ADGRL3: variants seen among roughly 807,000 people sequenced by gnomAD.
ADGRL3 encodes the protein adhesion G protein-coupled receptor L3.
ADGRL3 carries 62 observed loss-of-function variants against 153.5 expected under a neutral mutation model. That is an observed-to-expected ratio of 0.40 (90% CI 0.33 to 0.50). The LOEUF is 0.50. ADGRL3 is among the 20% of genes least tolerant of loss of function. The pLI is 0.47. For missense variants in ADGRL3, 1,641 were observed against 1,859.4 expected (o/e 0.88, Z 2.16); for synonymous variants, 710 against 672.5 (o/e 1.06, Z -0.86).
At chr4:62,064,017 A>G (rs1741621562) in intron 25 of ADGRL3, among the ~76,000 whole-genome samples, 2 of 152,162 alleles carry the variant, frequency 1.3e-5, no homozygotes, top group South Asian at 2.1e-4. Flanking sequence ...TAGTCTTAAT[A>G]TTACAAGATC....
intron 2 of ADGRL3, among the ~76,000 whole-genome samples, chr4:61,436,825 C>T (rs1220945301): frequency 6.6e-6 from 1 of 151,800 alleles, no homozygotes; most frequent in Admixed American, 6.6e-5. Flanking sequence ...AGGGTGGGAT[C>T]CACAGTTACT....
At chr4:61,413,843 C>T (rs894494323) in intron 2 of ADGRL3, among the ~76,000 whole-genome samples, 6 of 152,206 alleles carry the variant, frequency 3.9e-5, no homozygotes, top group Non-Finnish European at 7.4e-5. Flanking sequence ...TTCCATGAGT[C>T]TGAGGCATGT....
chr4:61,511,947 C>T (rs538996495), intron 3 of ADGRL3, among the ~76,000 whole-genome samples: 7 of 152,002 alleles, frequency 4.6e-5, no homozygotes, highest in Admixed American at 4.6e-4. Flanking sequence ...ATCATATACA[C>T]CTTAGGGAGA....
At chr4:61,958,734 A>G (rs565793197) in intron 17 of ADGRL3, among the ~76,000 whole-genome samples, 6 of 152,088 alleles carry the variant, frequency 3.9e-5, no homozygotes, top group Admixed American at 3.3e-4. Context: ...TGATCCAATC[A>G]TTTCCCACCT....
intron 21 of ADGRL3, among the ~76,000 whole-genome samples, chr4:62,002,916 T>G (rs1398266935): frequency 6.6e-6 from 1 of 152,190 alleles, no homozygotes; most frequent in African/African-American, 2.4e-5. Flanking sequence ...GCTGAAGTAC[T>G]ATGACATGTG....
chr4:61,534,527 G>A (rs563915624), intron 4 of ADGRL3, among the ~76,000 whole-genome samples: 231 of 152,126 alleles, frequency 1.5e-3, no homozygotes, highest in Non-Finnish European at 2.2e-3. Flanking sequence ...TTGCTTTGGG[G>A]AGTATAGTCA....
At chr4:62,002,935 G>T (rs2151119975) in intron 21 of ADGRL3, among the ~76,000 whole-genome samples, 1 of 152,240 alleles carries the variant, frequency 6.6e-6, no homozygotes, top group South Asian at 2.1e-4. Flanking sequence ...TGAAACATTT[G>T]TAAGGAGCCT....
At chr4:61,212,699 A>T (rs1480326952) in intron 1 of ADGRL3, among the ~76,000 whole-genome samples, 1 of 152,226 alleles carries the variant, frequency 6.6e-6, no homozygotes, top group African/African-American at 2.4e-5. Context: ...ACTCAATATA[A>T]GTAGTAACAT....
chr4:62,042,848 T>C (rs1729098047), intron 24 of ADGRL3, among the ~76,000 whole-genome samples: 1 of 152,030 alleles, frequency 6.6e-6, no homozygotes, highest in South Asian at 2.1e-4. Flanking sequence ...CCAGGCCAAG[T>C]ATTAGTATAC....
At chr4:61,887,273 C>T (rs2149538756) in intron 9 of ADGRL3, among the ~76,000 whole-genome samples, 1 of 152,116 alleles carries the variant, frequency 6.6e-6, no homozygotes, top group Non-Finnish European at 1.5e-5. Flanking sequence ...TAATGCTTTA[C>T]TAGATTCTTT....
In ADGRL3 at chr4:61,372,999, G is replaced by A. The variant is rs191637469; in HGVS notation, c.-239-10125G>A. On this transcript the variant is annotated intron_variant, in intron 1 of 26. Coordinates refer to ENST00000683033, the MANE Select transcript of ADGRL3 (RefSeq NM_001387552.1). The stretch of plus-strand genomic sequence containing the variant: ...GGGAGTGACCCGATTCTCCAGGTGC[G>A]GTCGGTCACCCCTTTCTTTGATTAG... 3.2e-4 allele frequency among the ~76,000 whole-genome samples: 49 copies of A among 152,080 alleles called. No homozygotes were observed. The South Asian group carries it at 3.5e-3, about 11-fold the overall frequency.
chr4:61,522,502 C>T (rs1462052389), intron 4 of ADGRL3, among the ~76,000 whole-genome samples: 1 of 152,092 alleles, frequency 6.6e-6, no homozygotes, highest in African/African-American at 2.4e-5. Flanking sequence ...TCCAAGACCA[C>T]AATTGCCAAG....
intron 25 of ADGRL3, among the ~76,000 whole-genome samples, chr4:62,062,749 A>G (rs1740880929): frequency 6.6e-6 from 1 of 152,118 alleles, no homozygotes; most frequent in Admixed American, 6.6e-5. Context: ...CAAATTCCAA[A>G]CAACCAGTTG....
intron 2 of ADGRL3, among the ~76,000 whole-genome samples, chr4:61,463,888 T>C (rs1167817251): frequency 6.6e-6 from 1 of 152,142 alleles, no homozygotes; most frequent in Non-Finnish European, 1.5e-5. Context: ...AGCTGGTACA[T>C]ACTTGAAGGT....
intron 20 of ADGRL3, among the ~76,000 whole-genome samples, chr4:61,996,637 G>A (rs2099122762): frequency 6.6e-6 from 1 of 152,176 alleles, no homozygotes; most frequent in Non-Finnish European, 1.5e-5. Context: ...TGGTTTTATA[G>A]ATATTTGAAC....
chr4:61,400,767 A>T (rs1165926167), intron 2 of ADGRL3, among the ~76,000 whole-genome samples: 3 of 151,536 alleles, frequency 2.0e-5, no homozygotes, highest in Non-Finnish European at 4.4e-5. Flanking sequence ...GATTAAAAGA[A>T]AGTAAACCAG....
chr4:61,381,231 G>T (rs532932443), intron 1 of ADGRL3, among the ~76,000 whole-genome samples: 1 of 151,288 alleles, frequency 6.6e-6, no homozygotes, highest in Non-Finnish European at 1.5e-5. Context: ...ATATAATAGT[G>T]TACTTTTGTT....
rs1268770318 is a variant in ADGRL3, at chr4:62,075,809, ATTAAAT to A, written c.*4906_*4911del. 2 of 152,200 alleles carry A rather than the reference ATTAAAT, an allele frequency of 1.3e-5. No homozygotes were observed. The highest frequency in any genetic ancestry group is 1.3e-4 in the Admixed American group (2 of 15,264). 9.4% of individuals were successfully genotyped at this position (152,200 alleles called of 1,614,324 possible). On this transcript the variant is annotated 3_prime_UTR_variant, in exon 27 of 27. Transcript: ENST00000683033. ...TAAAATATATTCAATGGATCCCAAC[ATTAAAT>A]TTAACTTTGCAATCAGCAAATATGT...
intron 2 of ADGRL3, among the ~76,000 whole-genome samples, chr4:61,461,944 T>C (rs868861686): frequency 3.9e-5 from 6 of 152,328 alleles, no homozygotes; most frequent in Middle Eastern, 3.4e-3. Flanking sequence ...CTTAAAATAG[T>C]TAATTACAAA....
Sources: gnomAD v4.1 joint callset for allele counts (sites outside exome capture counted in the v4.1 genomes callset) on GRCh38, gnomAD v4.1.1 for gene constraint, MANE v1.5 for transcripts, NCBI Gene and HGNC (gene_info 2026-07-23, HGNC 2026-07-21) for gene names.